NALCN: variants seen among roughly 807,000 people sequenced by gnomAD.
NALCN encodes sodium leak channel NALCN.
NALCN carries 111 observed loss-of-function variants against 225.3 expected under a neutral mutation model. The ratio of observed to expected loss-of-function variants is 0.49; its 90% CI spans 0.42 to 0.58. The LOEUF (loss-of-function observed/expected upper bound fraction) is 0.58, where lower values mean the gene tolerates loss of function less well. Among genes scored for constraint, NALCN ranks in the 20% least tolerant of loss-of-function variants. The probability of loss-of-function intolerance (pLI) is 0.00; values close to 1 mark genes in which losing one functional copy is unlikely to be tolerated. For missense variants in NALCN, 1,378 were observed against 2,202.4 expected, an observed-to-expected ratio of 0.63 and a Z score of 7.49; for synonymous variants, 764 against 769.0, an observed-to-expected ratio of 0.99 and a Z score of 0.11.
chr13:101,283,760 T>TAA lies in NALCN; in HGVS notation c.1134+171_1134+172dup, dbSNP rs200513039. Among the ~76,000 whole-genome samples the TAA allele has an allele frequency of 1.4e-4, 20 of 143,380 alleles. No homozygotes were observed. The East Asian group carries it at 2.4e-3, about 17-fold the overall frequency. 94.1% of individuals were successfully genotyped at this position (143,380 alleles called of 152,430 possible). A position where few individuals can be genotyped will look rare whatever the true frequency, so the allele number is the denominator to read the frequency against. On this transcript the variant is annotated intron_variant, in intron 10 of 43. Transcript: ENST00000251127. ...CTTATCAAATCCCTATTGTGTATGT[T>TAA]AAAAAAAAAAAAGCTAGGTCCTGGG...
chr13:101,068,884 T>G, intron 37 of NALCN, 57 bp from the exon 38 acceptor site: 1 of 1,499,142 alleles, frequency 6.7e-7, no homozygotes, highest in Non-Finnish European at 8.9e-7. Flanking sequence ...ACAAATTTCT[T>G]TTAGCTGACT....
chr13:101,101,281 C>CTTTTTTTTTTTTT (rs60948311), intron 26 of NALCN, among the ~76,000 whole-genome samples: 5 of 112,370 alleles, frequency 4.4e-5, no homozygotes, highest in African/African-American at 7.1e-5. Context: ...ATTTTTTTTT[C>CTTTTTTTTTTTTT]TTTTTTTTTT....
chr13:101,149,893 G>A (rs1184900046), intron 15 of NALCN, among the ~76,000 whole-genome samples: 1 of 152,240 alleles, frequency 6.6e-6, no homozygotes, highest in Non-Finnish European at 1.5e-5. Flanking sequence ...CAGCAGCCCT[G>A]TGGATCCTCT....
At chr13:101,072,767 G>T (rs676602) in intron 37 of NALCN, among the ~76,000 whole-genome samples, 1 of 151,844 alleles carries the variant, frequency 6.6e-6, no homozygotes, top group African/African-American at 2.4e-5. Context: ...TCCATGCAGC[G>T]ATGTAAATTT....
intron 14 of NALCN, chr13:101,181,114 A>C (rs1343256690): frequency 1.9e-6 from 1 of 518,920 alleles, no homozygotes; most frequent in South Asian, 1.4e-5. Context: ...ATTGTGAGAC[A>C]ATGACAGAGA....
chr13:101,331,403 T>C (rs971186674), intron 7 of NALCN, among the ~76,000 whole-genome samples: 36 of 152,074 alleles, frequency 2.4e-4, no homozygotes, highest in African/African-American at 8.0e-4. Context: ...ATGTTGGAAT[T>C]GAAAATTCGA....
At chr13:101,352,323 C>T (rs191643224) in intron 6 of NALCN, among the ~76,000 whole-genome samples, 1 of 152,190 alleles carries the variant, frequency 6.6e-6, no homozygotes, top group African/African-American at 2.4e-5. Context: ...ACTGGGAAAA[C>T]CTTGCAATAG....
chr13:101,113,456 A>C (rs746395171), intron 18 of NALCN, among the ~76,000 whole-genome samples: 5 of 152,228 alleles, frequency 3.3e-5, no homozygotes, highest in Non-Finnish European at 7.4e-5. Flanking sequence ...AAATTTTGCT[A>C]TTTTGGAAAA....
At position 101,058,021 on chromosome 13, in the gene NALCN, C is replaced by T; in HGVS notation, c.4941G>A (p.Leu1647=). ...SSQQQLLSPT[L]SDRGGSRQDA... is the part of the protein sequence containing the mutation. ...CTTGCCGACTTCCTCCTCGATCCGA[C>T]AGCGTGGGGCTCAGGAGCTGCTGCT... is the stretch of plus-strand genomic sequence containing the variant. Residue 1647 remains leucine, a synonymous_variant, in exon 43 of 44, where the codon CTG becomes CTA. Coordinates refer to ENST00000251127, the MANE Select transcript of NALCN (RefSeq NM_052867.4). The T allele has an allele frequency of 6.2e-7, 1 of 1,613,656 alleles. No homozygotes were observed. The highest frequency in any genetic ancestry group is 8.5e-7 in the Non-Finnish European group (1 of 1,180,026).
intron 20 of NALCN, among the ~76,000 whole-genome samples, chr13:101,108,096 T>C (rs914193536): frequency 6.7e-6 from 1 of 148,654 alleles, no homozygotes; most frequent in African/African-American, 2.4e-5. Flanking sequence ...ATGAAATGTA[T>C]ATATTTATAA....
At chr13:101,062,826 C>T (rs1482798058) in intron 40 of NALCN, among the ~76,000 whole-genome samples, 2 of 152,144 alleles carry the variant, frequency 1.3e-5, no homozygotes, top group African/African-American at 2.4e-5. Context: ...TGGTCTTAAA[C>T]TCCTAACCTC....
intron 14 of NALCN, among the ~76,000 whole-genome samples, chr13:101,187,717 CA>C: frequency 6.6e-6 from 1 of 152,306 alleles, no homozygotes; most frequent in Non-Finnish European, 1.5e-5. Context: ...CCTCACATGT[CA>C]AACAATGTGA....
chr13:101,256,490 T>C (rs2042232754), intron 11 of NALCN, among the ~76,000 whole-genome samples: 4 of 152,316 alleles, frequency 2.6e-5, no homozygotes, highest in African/African-American at 7.2e-5. Context: ...CGCAGAGCTA[T>C]CTGAATTGGT....
rs917578518 is a variant in NALCN at position 101,125,597 on chromosome 13, C to A, written c.2119-916G>T. ...TAGATAGGAAGACAAGGGTAGGACA[C>A]ATGAGATCATCAGTGACAAGTACAG... On this transcript the variant is annotated intron_variant, in intron 17 of 43. Coordinates refer to ENST00000251127, the MANE Select transcript of NALCN (RefSeq NM_052867.4). Among the ~76,000 whole-genome samples, 39 of 152,090 alleles carry A rather than the reference C, an allele frequency of 2.6e-4. 1 individual carries two copies. The highest frequency in any genetic ancestry group is 5.9e-5 in the Non-Finnish European group (4 of 68,020).
At chr13:101,386,194 T>C (rs2046981875) in intron 3 of NALCN, among the ~76,000 whole-genome samples, 1 of 152,234 alleles carries the variant, frequency 6.6e-6, no homozygotes, top group Admixed American at 6.5e-5. Context: ...TATTAGATGG[T>C]AATGCAGTGA....
intron 17 of NALCN, among the ~76,000 whole-genome samples, chr13:101,136,198 T>C (rs2139754480): frequency 6.6e-6 from 1 of 152,286 alleles, no homozygotes; most frequent in South Asian, 2.1e-4. Flanking sequence ...AAAGGGTGAG[T>C]GCTCACACAC....
chr13:101,135,457 G>C (rs137993328), intron 17 of NALCN, among the ~76,000 whole-genome samples: 108 of 152,260 alleles, frequency 7.1e-4, no homozygotes, highest in Middle Eastern at 3.4e-3. Context: ...GGAGTGCAGT[G>C]GCATGATCTT....
At chr13:101,276,897 G>A (rs1315966017) in intron 10 of NALCN, among the ~76,000 whole-genome samples, 1 of 152,140 alleles carries the variant, frequency 6.6e-6, no homozygotes, top group African/African-American at 2.4e-5. Flanking sequence ...AGTTGCTAAT[G>A]TGTGATCAGA....
chr13:101,400,906 A>G (rs562659055), intron 1 of NALCN, among the ~76,000 whole-genome samples: 1 of 152,152 alleles, frequency 6.6e-6, no homozygotes, highest in East Asian at 1.9e-4. Context: ...TGATGGTTTT[A>G]TAAGTGTTTG....
Sources: allele counts gnomAD v4.1 joint callset (sites outside exome capture counted in the v4.1 genomes callset), GRCh38; gene constraint gnomAD v4.1.1; transcripts MANE v1.5; gene names NCBI Gene and HGNC (gene_info 2026-07-23, HGNC 2026-07-21).